The following FNDC1 variants were observed in gnomAD, a reference collection of about 807,000 sequenced individuals.
FNDC1 encodes fibronectin type III domain containing 1.
Under a neutral mutation model 168.0 loss-of-function variants are expected in FNDC1, and 96 were observed. That is an observed-to-expected ratio of 0.57 (90% CI 0.48 to 0.68). The LOEUF is 0.68. Ranked by LOEUF, FNDC1 falls within the 30% of genes least tolerant of loss-of-function variation. The pLI is 0.00. For missense variants in FNDC1, 2,587 were observed against 2,482.1 expected, an observed-to-expected ratio of 1.04 and a Z score of -0.90; for synonymous variants, 1,099 against 1,025.9, an observed-to-expected ratio of 1.07 and a Z score of -1.36.
At chr6:159,183,094 A>G (rs568736499) in intron 1 of FNDC1, among the ~76,000 whole-genome samples, 74 of 152,272 alleles carry the variant, frequency 4.9e-4, no homozygotes, top group African/African-American at 1.8e-3. Context: ...GTTATCTCAC[A>G]TGTGTGGAGT....
chr6:159,267,120 T>G (rs1439180675), intron 21 of FNDC1, among the ~76,000 whole-genome samples: 3 of 152,222 alleles, frequency 2.0e-5, no homozygotes, highest in Non-Finnish European at 4.4e-5. Context: ...TTCTTGTTAG[T>G]AGTGATCATT....
intron 14 of FNDC1, among the ~76,000 whole-genome samples, chr6:159,241,782 A>G (rs1783426227): frequency 6.6e-6 from 1 of 152,204 alleles, no homozygotes; most frequent in African/African-American, 2.4e-5. Flanking sequence ...TTCTTGATGT[A>G]TGCATAGAAA....
At chr6:159,257,375 G>A (rs565616078) in intron 18 of FNDC1, among the ~76,000 whole-genome samples, 4 of 152,300 alleles carry the variant, frequency 2.6e-5, no homozygotes, top group African/African-American at 7.2e-5. Context: ...TTTCTATGGT[G>A]TAAATACTAC....
In FNDC1 at chr6:159,239,757, GC is replaced by G. The variant is rs1237716776; in HGVS notation, c.4423del (p.Arg1475AlafsTer52). ...TTPRPTTATT[R>X]RTTTTRRTTT... The stretch of plus-strand genomic sequence containing the variant: ...CCGAGGCCCACCACTGCCACCACCC[GC>G]CGCACGACCACCACCCGCCGCACGA... On this transcript the variant is annotated frameshift_variant, in exon 14 of 23. Coordinates refer to ENST00000297267, the MANE Select transcript of FNDC1 (RefSeq NM_032532.3). LOFTEE classifies it high-confidence loss of function. 1 of 30,092 alleles carries G rather than the reference GC, an allele frequency of 3.3e-5. No homozygotes were observed. The highest frequency in any genetic ancestry group is 6.6e-5 in the Non-Finnish European group (1 of 15,262). The allele number at this position is 30,092 out of a possible 1,614,324, so 1.9% of individuals were successfully genotyped here. A position where few individuals can be genotyped will look rare whatever the true frequency, so the allele number is the denominator to read the frequency against.
chr6:159,255,105 T>C (rs1337593796), intron 17 of FNDC1, among the ~76,000 whole-genome samples: 1 of 152,218 alleles, frequency 6.6e-6, no homozygotes, highest in East Asian at 1.9e-4. Flanking sequence ...CCTAATTGTA[T>C]AGGTTTAATG....
chr6:159,238,711 C>T, intron 13 of FNDC1, 46 bp downstream of exon 13: 1 of 1,233,506 alleles, frequency 8.1e-7, no homozygotes, highest in Non-Finnish European at 1.1e-6. Context: ...CTGAATTAGC[C>T]ATAGAATTAC....
intron 15 of FNDC1, among the ~76,000 whole-genome samples, chr6:159,248,087 G>C (rs1280271263): frequency 6.6e-6 from 1 of 152,076 alleles, no homozygotes; most frequent in Non-Finnish European, 1.5e-5. Context: ...TTAATCCCAA[G>C]GTTTTCAAAC....
At chr6:159,186,705 G>A (rs1782007784) in intron 1 of FNDC1, among the ~76,000 whole-genome samples, 1 of 152,228 alleles carries the variant, frequency 6.6e-6, no homozygotes, top group Non-Finnish European at 1.5e-5. Flanking sequence ...CTCACCAGAG[G>A]TGGAAAGTGC....
intron 18 of FNDC1, among the ~76,000 whole-genome samples, chr6:159,257,864 G>A (rs1324363229): frequency 4.7e-5 from 7 of 147,984 alleles, no homozygotes; most frequent in East Asian, 4.0e-4. Context: ...ATCAATTAGA[G>A]AAAACAAAAC....
intron 1 of FNDC1, among the ~76,000 whole-genome samples, chr6:159,182,543 G>C (rs577210486): frequency 1.3e-4 from 20 of 152,334 alleles, no homozygotes; most frequent in Admixed American, 3.3e-4. Flanking sequence ...CCTGGGCCCT[G>C]ATAATGTTTC....
Position 159,178,586 on chromosome 6 carries a change from A to T in FNDC1, c.109+8881A>T, listed in dbSNP as rs535934580. Among the ~76,000 whole-genome samples the T allele has an allele frequency of 1.5e-3, 223 of 152,172 alleles. 1 individual carries two copies. Among genetic ancestry groups the T allele is most frequent in the African/African-American group, 5.1e-3 (212 of 41,512 alleles). On this transcript the variant is annotated intron_variant, in intron 1 of 22. Transcript: ENST00000297267. ...CCTTCCTTCCTCCCATCCACCCCAG[A>T]CACAAATCTGTTCCCCCATTTTATA... is the stretch of plus-strand genomic sequence containing the variant.
Position 159,232,267 on chromosome 6 carries a change from G to T in FNDC1, c.1755G>T (p.Arg585Ser). The change falls in exon 11 of 23, where the codon AGG becomes AGT. Residue 585 changes from arginine to serine, a missense_variant. Coordinates refer to ENST00000297267, the MANE Select transcript of FNDC1 (RefSeq NM_032532.3). This position sits in a 1 kb window ranked among gnomAD's most constrained non-coding sequence, Gnocchi z 4.9. ...SVVAPGRTAVRARMPALPRRE... is the reference protein window; with the variant it reads ...SVVAPGRTAVSARMPALPRRE... Reference sequence around the variant, plus strand: ...TTGCTCCCGGCAGGACTGCAGTGAGGGCCCGGATGCCAGCGCTGCCCCGAA... The same window carrying T: ...TTGCTCCCGGCAGGACTGCAGTGAGTGCCCGGATGCCAGCGCTGCCCCGAA... 6.2e-7 allele frequency: 1 copy of T among 1,610,872 alleles called. No homozygotes were observed. Among genetic ancestry groups the T allele is most frequent in the Non-Finnish European group, 8.5e-7 (1 of 1,178,530 alleles).
At chr6:159,225,436 C>G in intron 7 of FNDC1, 99 bp from the exon 8 acceptor site, 1 of 934,032 alleles carries the variant, frequency 1.1e-6, no homozygotes, top group Non-Finnish European at 1.5e-6. Flanking sequence ...TCTTACTTAC[C>G]TCCCAAAGTC....
Position 159,225,740 on chromosome 6 carries a change from C to A in FNDC1, c.1072+18C>A. On this transcript the variant is annotated intron_variant, in intron 8 of 22. Coordinates refer to ENST00000297267, the MANE Select transcript of FNDC1 (RefSeq NM_032532.3). ...AGAATCTGGTCTGTATTTGAAATGG[C>A]CTTTGAATTTTCAATTTGGGAATTA... 2 of 1,563,450 alleles carry A rather than the reference C, an allele frequency of 1.3e-6. No homozygotes were observed. The highest frequency in any genetic ancestry group is 2.4e-5 in the South Asian group (2 of 84,654).
Position 159,236,254 on chromosome 6 carries a change from C to G in FNDC1, c.4007C>G (p.Pro1336Arg), listed in dbSNP as rs1278721718. ...GRPNVEGKVL[P>R]GSNGKPNGQR... ...CCAAATGTAGAAGGGAAAGTCCTTC[C>G]TGGTAGTAATGGAAAACCGAATGGA... The change falls in exon 12 of 23, where the codon CCT becomes CGT. Residue 1336 changes from proline (P) to arginine (R), a missense_variant. By Grantham distance (103) the Pro-to-Arg change is moderately radical. Coordinates refer to ENST00000297267, the MANE Select transcript of FNDC1 (RefSeq NM_032532.3). 1.9e-6 allele frequency: 3 copies of G among 1,613,636 alleles called. No individual in the cohort carries two copies. The highest frequency in any genetic ancestry group is 2.5e-6 in the Non-Finnish European group (3 of 1,179,774).
At chr6:159,230,765 A>G (rs1783065341) in intron 10 of FNDC1, among the ~76,000 whole-genome samples, 1 of 152,150 alleles carries the variant, frequency 6.6e-6, no homozygotes, top group African/African-American at 2.4e-5. Flanking sequence ...TGCTATGAAG[A>G]CCCATGGTAG....
chr6:159,249,786 A>T (rs1459032052), intron 16 of FNDC1, among the ~76,000 whole-genome samples: 2 of 152,176 alleles, frequency 1.3e-5, no homozygotes, highest in Non-Finnish European at 2.9e-5. Context: ...CCCTTAATGA[A>T]CCTCATTAAT....
chr6:159,236,899 A>G (rs1202798266), intron 12 of FNDC1, among the ~76,000 whole-genome samples: 1 of 152,240 alleles, frequency 6.6e-6, no homozygotes, highest in Non-Finnish European at 1.5e-5. Flanking sequence ...GGGTTAAGAT[A>G]AATGTTTAGG....
chr6:159,210,324 T>G (rs1485380469), intron 4 of FNDC1, among the ~76,000 whole-genome samples: 1 of 152,182 alleles, frequency 6.6e-6, no homozygotes, highest in Non-Finnish European at 1.5e-5. Context: ...GGGGTGCGAA[T>G]TCTGGCTTCG....
Sources: allele counts gnomAD v4.1 joint callset (sites outside exome capture counted in the v4.1 genomes callset), GRCh38; gene constraint gnomAD v4.1.1; non-coding constraint Gnocchi (gnomAD v3.1); transcripts MANE v1.5; gene names NCBI Gene and HGNC (gene_info 2026-07-23, HGNC 2026-07-21).